Variants in TET2 observed in about 807,000 individuals in gnomAD.
TET2 encodes the protein methylcytosine dioxygenase TET2.
In TET2, 299 loss-of-function variants were observed where a neutral mutation model predicts 142.9. The observed-to-expected ratio is 2.09, with a 90% CI of 1.90 to 2.30. The LOEUF (loss-of-function observed/expected upper bound fraction) is 2.30. Among genes scored for constraint, TET2 ranks in the 30% most tolerant of loss-of-function variants. The probability of loss-of-function intolerance (pLI) is 0.00; values close to 1 mark genes in which losing one functional copy is unlikely to be tolerated. For missense variants in TET2, 2,418 were observed against 2,378.0 expected (o/e 1.02, Z -0.35); for synonymous variants, 819 against 849.0 (o/e 0.96, Z 0.61).
intron 4 of TET2, chr4:105,242,259 A>G: frequency 3.7e-6 from 4 of 1,086,588 alleles, no homozygotes; most frequent in Non-Finnish European, 4.5e-6. Flanking sequence ...GAATTTCCCT[A>G]AGTGCCTTTT....
intron 1 of TET2, among the ~76,000 whole-genome samples, chr4:105,159,138 A>G (rs1447701470): frequency 6.6e-6 from 1 of 152,170 alleles, no homozygotes; most frequent in East Asian, 1.9e-4. Context: ...TGATAGGGTC[A>G]TGAACCAAAG....
intron 2 of TET2, among the ~76,000 whole-genome samples, chr4:105,221,243 A>G (rs1187222194): frequency 6.6e-6 from 1 of 152,138 alleles, no homozygotes; most frequent in Admixed American, 6.6e-5. Flanking sequence ...GGATTAACAG[A>G]TAAGTGGATA....
In TET2 at chr4:105,261,808, CA is replaced by C. The variant is rs903504757; in HGVS notation, c.4006del (p.Thr1336HisfsTer27). Reference sequence around the variant, plus strand: ...CAAAACCTGTCCACTCTTATGGCACCAACATATAAGAAACTTGCACCTGATG... The same window carrying C: ...CAAAACCTGTCCACTCTTATGGCACCACATATAAGAAACTTGCACCTGATG... ...HLQNLSTLMA[P>X]TYKKLAPDAY... On this transcript the variant is annotated frameshift_variant, in exon 8 of 11. Coordinates refer to ENST00000380013, the MANE Select transcript of TET2 (RefSeq NM_001127208.3). LOFTEE classifies it high-confidence loss of function. The C allele has an allele frequency of 6.5e-7, 1 of 1,548,980 alleles. No individual in the cohort carries two copies. Among genetic ancestry groups the C allele is most frequent in the African/African-American group, 1.4e-5 (1 of 72,902 alleles).
chr4:105,269,141 C>T (rs1018377043), intron 8 of TET2, among the ~76,000 whole-genome samples: 2 of 151,884 alleles, frequency 1.3e-5, no homozygotes, highest in Non-Finnish European at 2.9e-5. Context: ...CCATTTTATC[C>T]AGTAGTATCT....
chr4:105,222,726 C>T (rs1051204715), intron 2 of TET2, among the ~76,000 whole-genome samples: 1 of 151,986 alleles, frequency 6.6e-6, no homozygotes. Context: ...TTAATTAGAT[C>T]CCATTTGTCA....
intron 4 of TET2, chr4:105,241,894 T>G (rs983810017): frequency 8.0e-7 from 1 of 1,245,750 alleles, no homozygotes; most frequent in Non-Finnish European, 1.0e-6. Context: ...AGAGAGCAAG[T>G]GTGATATGTT....
chr4:105,165,281 C>T (rs1215526210), intron 1 of TET2, among the ~76,000 whole-genome samples: 3 of 152,164 alleles, frequency 2.0e-5, no homozygotes, highest in African/African-American at 4.8e-5. Context: ...GAGACTGAGG[C>T]ACGAGAATCA....
chr4:105,188,751 A>G (rs187383373), intron 1 of TET2, among the ~76,000 whole-genome samples: 1 of 152,298 alleles, frequency 6.6e-6, no homozygotes, highest in East Asian at 1.9e-4. Context: ...AACCAGACGT[A>G]AAAGGCCAAA....
chr4:105,236,681 A>G lies in TET2; in HGVS notation c.2739A>G (p.Gln913=), dbSNP rs768255373. The change falls in exon 3 of 11, where the codon CAA becomes CAG. Residue 913 remains glutamine (Q), a synonymous_variant. Transcript: ENST00000380013. ...ATATGTCTGGTCAACAAGCTGCGCA[A>G]CTTGCTCAGCAAAGGTACTTGATAC... is the stretch of plus-strand genomic sequence containing the variant. ...NQDMSGQQAA[Q]LAQQRYLIHN... 1 of 1,614,132 alleles carries G rather than the reference A, an allele frequency of 6.2e-7. No homozygotes were observed. The highest frequency in any genetic ancestry group is 1.1e-5 in the South Asian group (1 of 91,088).
At chr4:105,196,412 C>G (rs1246549643) in intron 2 of TET2, among the ~76,000 whole-genome samples, 1 of 152,136 alleles carries the variant, frequency 6.6e-6, no homozygotes, top group Non-Finnish European at 1.5e-5. Flanking sequence ...TACTTATCCC[C>G]TTTTCAGAGT....
At position 105,241,058 on chromosome 4, in the gene TET2, G is replaced by A. The variant is rs190485507; in HGVS notation, c.3410-281G>A. ...TATAATACATTCTAATTCCCTCACT[G>A]TATTCTTTGTTTAGTTTCATTTATT... is the stretch of plus-strand genomic sequence containing the variant. On this transcript the variant is annotated intron_variant, in intron 3 of 10. Coordinates refer to ENST00000380013, the MANE Select transcript of TET2 (RefSeq NM_001127208.3). 5.6e-6 allele frequency: 6 copies of A among 1,070,154 alleles called. No homozygotes were observed. The Admixed American group carries it at 1.4e-4, about 25-fold the overall frequency. 66.3% of individuals were successfully genotyped at this position (1,070,154 alleles called of 1,614,324 possible). A position where few individuals can be genotyped will look rare whatever the true frequency, so the allele number is the denominator to read the frequency against.
chr4:105,188,081 G>A (rs1169348197), intron 1 of TET2, among the ~76,000 whole-genome samples: 2 of 152,164 alleles, frequency 1.3e-5, no homozygotes, highest in Non-Finnish European at 2.9e-5. Context: ...GTTTGTTGCA[G>A]CATTATTCAC....
intron 2 of TET2, among the ~76,000 whole-genome samples, chr4:105,204,254 CACACACACACACACAT>C (rs1273820487): frequency 2.7e-5 from 4 of 145,874 alleles, no homozygotes; most frequent in Non-Finnish European, 5.9e-5. Flanking sequence ...CACACACACA[CACACACACACACACAT>C]ACATACATAC....
In TET2 at chr4:105,236,895, C is replaced by T. The variant is rs1053689215; in HGVS notation, c.2953C>T (p.Pro985Ser). 1 of 1,613,964 alleles carries T rather than the reference C, an allele frequency of 6.2e-7. No individual in the cohort carries two copies. Among genetic ancestry groups the T allele is most frequent in the Non-Finnish European group, 8.5e-7 (1 of 1,180,024 alleles). Residue 985 changes from proline (P) to serine (S), a missense_variant, in exon 3 of 11, where the codon CCT becomes TCT. By Grantham distance (74) the Pro-to-Ser change is moderately conservative. Coordinates refer to ENST00000380013, the MANE Select transcript of TET2 (RefSeq NM_001127208.3). The part of the protein sequence containing the change: ...SQMHRPIKVE[P>S]GCKPHACMHT... ...GATGCACAGGCCAATTAAGGTGGAACCTGGATGCAAGCCACATGCCTGTAT... is the reference window on the plus strand; with the variant it reads ...GATGCACAGGCCAATTAAGGTGGAATCTGGATGCAAGCCACATGCCTGTAT...
intron 1 of TET2, among the ~76,000 whole-genome samples, chr4:105,148,052 A>G (rs1222796741): frequency 6.6e-6 from 1 of 151,084 alleles, no homozygotes; most frequent in Non-Finnish European, 1.5e-5. Context: ...TCTCTCTCTC[A>G]TACACATACA....
At chr4:105,248,492 T>A (rs1399958969) in intron 6 of TET2, among the ~76,000 whole-genome samples, 1 of 152,218 alleles carries the variant, frequency 6.6e-6, no homozygotes, top group African/African-American at 2.4e-5. Flanking sequence ...GCCCTTTATA[T>A]CATTTACCAT....
rs1560571575 is a variant in TET2, at chr4:105,272,814, A to G, written c.4433A>G (p.Lys1478Arg). 1.9e-6 allele frequency: 3 copies of G among 1,551,692 alleles called. No homozygotes were observed. The highest frequency in any genetic ancestry group is 2.6e-6 in the Non-Finnish European group (3 of 1,146,974). ...KLEAKKAAAE[K>R]LSSLENSSNK... The stretch of plus-strand genomic sequence containing the variant: ...GAAGCCAAGAAAGCTGCAGCTGAAA[A>G]GCTTTCCTCCCTGGAGAACAGCTCA... Residue 1478 changes from lysine (K) to arginine (R), a missense_variant, in exon 10 of 11, where the codon AAG becomes AGG. Coordinates refer to ENST00000380013, the MANE Select transcript of TET2 (RefSeq NM_001127208.3).
intron 1 of TET2, among the ~76,000 whole-genome samples, chr4:105,157,841 T>C (rs2110365180): frequency 6.6e-6 from 1 of 152,208 alleles, no homozygotes; most frequent in East Asian, 1.9e-4. Flanking sequence ...CATGCCTGGC[T>C]AATTTTTGCA....
At chr4:105,167,947 G>A (rs1724251882) in intron 1 of TET2, among the ~76,000 whole-genome samples, 1 of 152,172 alleles carries the variant, frequency 6.6e-6, no homozygotes. Context: ...GAGAGAAAAG[G>A]AATAACTGAT....
Sources: gnomAD v4.1 joint callset for allele counts (sites outside exome capture counted in the v4.1 genomes callset) on GRCh38, gnomAD v4.1.1 for gene constraint, MANE v1.5 for transcripts, NCBI Gene and HGNC (gene_info 2026-07-23, HGNC 2026-07-21) for gene names.